The following ELOVL2 variants were observed in gnomAD, a reference collection of about 807,000 sequenced individuals.
ELOVL2 encodes the protein very long chain fatty acid elongase 2.
ELOVL2 carries 38 observed loss-of-function variants against 37.7 expected under a neutral mutation model. The ratio of observed to expected loss-of-function variants is 1.01; its 90% CI spans 0.78 to 1.32. ELOVL2 has a LOEUF of 1.32. Among genes scored for constraint, ELOVL2 ranks in the 40% most tolerant of loss-of-function variants. The pLI, the probability that ELOVL2 is intolerant of heterozygous loss-of-function variation, is 0.00. For missense variants in ELOVL2, 352 were observed against 363.6 expected, an observed-to-expected ratio of 0.97 and a Z score of 0.26; for synonymous variants, 115 against 122.3, an observed-to-expected ratio of 0.94 and a Z score of 0.40.
At chr6:11,021,005 T>A (rs1419379551) in intron 1 of ELOVL2, among the ~76,000 whole-genome samples, 1 of 152,212 alleles carries the variant, frequency 6.6e-6, no homozygotes, top group African/African-American at 2.4e-5. Context: ...CAGCTGTATG[T>A]TACAAGAGGA....
intron 2 of ELOVL2, among the ~76,000 whole-genome samples, chr6:11,009,814 T>C (rs1389773334): frequency 2.0e-5 from 3 of 152,088 alleles, no homozygotes; most frequent in African/African-American, 7.2e-5. Flanking sequence ...CTGATGAGTT[T>C]TAAGCTACAG....
intron 1 of ELOVL2, among the ~76,000 whole-genome samples, chr6:11,036,091 T>C (rs1205871811): frequency 2.0e-5 from 3 of 152,210 alleles, no homozygotes; most frequent in Non-Finnish European, 4.4e-5. Context: ...GTTACAGACA[T>C]ATGTTCTGTC....
intron 3 of ELOVL2, among the ~76,000 whole-genome samples, chr6:11,000,457 T>A (rs1158331703): frequency 2.0e-5 from 3 of 152,236 alleles, no homozygotes; most frequent in Non-Finnish European, 4.4e-5. Context: ...TGTAAGGAAT[T>A]ACCTAGTCAT....
chr6:11,034,054 G>C (rs1209515229), intron 1 of ELOVL2, among the ~76,000 whole-genome samples: 1 of 152,192 alleles, frequency 6.6e-6, no homozygotes, highest in Non-Finnish European at 1.5e-5. Context: ...AAGAAGTGGA[G>C]TAGGGAACTG....
chr6:11,038,220 T>C (rs929190613), intron 1 of ELOVL2, among the ~76,000 whole-genome samples: 2 of 152,196 alleles, frequency 1.3e-5, no homozygotes, highest in African/African-American at 4.8e-5. Context: ...TTAAAATGCA[T>C]TGAAAAACAT....
rs190669374 is a variant in ELOVL2 at position 11,019,187 on chromosome 6, T to A, written c.4-8378A>T. 5.3e-4 allele frequency among the ~76,000 whole-genome samples: 80 copies of A among 152,336 alleles called. No individual in the cohort carries two copies. The Middle Eastern group carries it at 0.014, about 26-fold the overall frequency. Reference sequence around the variant, plus strand: ...AATCAAGTCTTACATCCTAAACTTCTATAACACATTTTAAAATTTTAAATG... The same window carrying A: ...AATCAAGTCTTACATCCTAAACTTCAATAACACATTTTAAAATTTTAAATG... On this transcript the variant is annotated intron_variant, in intron 1 of 7. Coordinates refer to ENST00000354666, the MANE Select transcript of ELOVL2 (RefSeq NM_017770.4).
intron 7 of ELOVL2, among the ~76,000 whole-genome samples, chr6:10,988,394 A>C (rs1782086731): frequency 6.6e-6 from 1 of 152,144 alleles, no homozygotes; most frequent in Non-Finnish European, 1.5e-5. Flanking sequence ...GAGAAACCCC[A>C]TCTCTACTAA....
intron 4 of ELOVL2, among the ~76,000 whole-genome samples, chr6:10,996,452 G>A (rs576411167): frequency 1.4e-3 from 219 of 151,542 alleles, no homozygotes; most frequent in African/African-American, 5.1e-3. Context: ...GGTGGATCAC[G>A]AGGTCAGGAG....
intron 1 of ELOVL2, among the ~76,000 whole-genome samples, chr6:11,036,465 T>A (rs1201609348): frequency 1.3e-5 from 2 of 152,196 alleles, no homozygotes; most frequent in Non-Finnish European, 2.9e-5. Context: ...TTCTCTTCCT[T>A]ACAAAGGAAT....
At position 11,002,434 on chromosome 6, in the gene ELOVL2, C is replaced by T. The variant is rs79983454; in HGVS notation, c.256-2270G>A. Among the ~76,000 whole-genome samples the T allele has an allele frequency of 3.1e-3, 473 of 152,292 alleles. 4 individuals are homozygous for T. The highest frequency in any genetic ancestry group is 0.011 in the African/African-American group (454 of 41,552). The stretch of plus-strand genomic sequence containing the variant: ...TTAGCAAGGTTAAATCAGTGTGTCA[C>T]CTGACTAGTATCTATTAAACATACC... On this transcript the variant is annotated intron_variant, in intron 3 of 7. Transcript: ENST00000354666.
chr6:11,002,824 C>A (rs1476451565), intron 3 of ELOVL2, among the ~76,000 whole-genome samples: 2 of 152,330 alleles, frequency 1.3e-5, no homozygotes, highest in Admixed American at 6.5e-5. Context: ...GAAGCTGTGT[C>A]TTATCCATCT....
chr6:11,017,165 C>A (rs1486444215), intron 1 of ELOVL2, among the ~76,000 whole-genome samples: 1 of 152,064 alleles, frequency 6.6e-6, no homozygotes, highest in Non-Finnish European at 1.5e-5. Flanking sequence ...ATAAGCTAAC[C>A]CTCATGGGGA....
At chr6:10,986,362 C>T (rs951076630) in intron 7 of ELOVL2, among the ~76,000 whole-genome samples, 1 of 152,176 alleles carries the variant, frequency 6.6e-6, no homozygotes, top group Non-Finnish European at 1.5e-5. Context: ...CCTAATTGCC[C>T]TGGCCAGAAC....
rs1430528722 is a variant in ELOVL2, at chr6:10,981,451, G to A, written c.*2330C>T. The A allele has an allele frequency of 6.6e-6, 1 of 152,520 alleles. No homozygotes were observed. The highest frequency in any genetic ancestry group is 1.5e-5 in the Non-Finnish European group (1 of 68,026). The allele number at this position is 152,520 out of a possible 1,614,324, so 9.4% of individuals were successfully genotyped here. ...TATTTTTTTAATTAGCCCTTGAATG[G>A]TTTAAGGCTATAAGTGTTTTATGAA... On this transcript the variant is annotated 3_prime_UTR_variant, in exon 8 of 8. Coordinates refer to ENST00000354666, the MANE Select transcript of ELOVL2 (RefSeq NM_017770.4).
intron 1 of ELOVL2, among the ~76,000 whole-genome samples, chr6:11,037,809 T>C (rs143208274): frequency 0.016 from 2,504 of 152,342 alleles, 59 homozygotes; most frequent in African/African-American, 0.057. Flanking sequence ...TATTTTCCTT[T>C]GCAGGTTCCA....
intron 7 of ELOVL2, among the ~76,000 whole-genome samples, chr6:10,984,240 A>G (rs907486712): frequency 7.3e-5 from 11 of 151,564 alleles, no homozygotes; most frequent in Non-Finnish European, 1.3e-4. Context: ...CTTGTCTTGA[A>G]CTCCTGACCT....
In ELOVL2 at chr6:10,995,101, T is replaced by G; in HGVS notation, c.411A>C (p.Lys137Asn). 2.5e-6 allele frequency: 4 copies of G among 1,613,502 alleles called. No homozygotes were observed. Among genetic ancestry groups the G allele is most frequent in the Non-Finnish European group, 3.4e-6 (4 of 1,179,480 alleles). The part of the protein sequence containing the change: ...FLDTIFFVLR[K>N]KTSQITFLHV... The stretch of plus-strand genomic sequence containing the variant: ...GAAGAAAAGTAATCTGACTCGTTTT[T>G]TTCCGCAAAACGAAGAAAATTGTGT... The change falls in exon 5 of 8, where the codon AAA (lysine) becomes AAC (asparagine). Residue 137 changes from lysine to asparagine, a missense_variant. Physicochemically the swap from Lys to Asn is moderately conservative, Grantham distance 94. Coordinates refer to ENST00000354666, the MANE Select transcript of ELOVL2 (RefSeq NM_017770.4).
intron 1 of ELOVL2, among the ~76,000 whole-genome samples, chr6:11,039,787 A>G (rs934186838): frequency 2.6e-5 from 4 of 152,174 alleles, no homozygotes; most frequent in Admixed American, 6.5e-5. Context: ...TTTTACTATC[A>G]GACTATCTGT....
chr6:11,004,751 A>G (rs900129984), intron 3 of ELOVL2, among the ~76,000 whole-genome samples: 1 of 152,152 alleles, frequency 6.6e-6, no homozygotes, highest in African/African-American at 2.4e-5. Context: ...AAATTATGAA[A>G]CTTTTCTAAG....
Sources: allele counts gnomAD v4.1 joint callset (sites outside exome capture counted in the v4.1 genomes callset), GRCh38; gene constraint gnomAD v4.1.1; transcripts MANE v1.5; gene names NCBI Gene and HGNC (gene_info 2026-07-23, HGNC 2026-07-21).